The following BRIX1 variants were observed in gnomAD, a reference collection of about 807,000 sequenced individuals.
The protein encoded by BRIX1 is ribosome biogenesis protein BRX1 homolog.
Under a neutral mutation model 44.0 loss-of-function variants are expected in BRIX1, and 15 were observed. The observed-to-expected ratio is 0.34, with a 90% CI of 0.23 to 0.53. The LOEUF (loss-of-function observed/expected upper bound fraction) is 0.53. BRIX1 is among the 20% of genes least tolerant of loss of function. The pLI, the probability that BRIX1 is intolerant of heterozygous loss-of-function variation, is 0.95. For synonymous variants in BRIX1, 149 were observed against 135.4 expected (o/e 1.10, Z -0.70); for missense variants, 420 against 432.8 (o/e 0.97, Z 0.26).
Position 34,918,657 on chromosome 5 carries a change from A to C in BRIX1, c.271+182A>C, listed in dbSNP as rs574303427. 8.2e-6 allele frequency: 4 copies of C among 490,040 alleles called. No individual in the cohort carries two copies. In the South Asian group the frequency reaches 1.4e-4, roughly 18 times the overall value. 30.4% of individuals were successfully genotyped at this position (490,040 alleles called of 1,614,324 possible). A position where few individuals can be genotyped will look rare whatever the true frequency, so the allele number is the denominator to read the frequency against. On this transcript the variant is annotated intron_variant, in intron 2 of 9. Coordinates refer to ENST00000336767, the MANE Select transcript of BRIX1 (RefSeq NM_018321.4). ...TTTCGTAAGAAATTCTTTAGATTTC[A>C]TTAGGTAGATTCTTTACTTTTTAAA...
chr5:34,923,099 G>A (rs1764274905), intron 7 of BRIX1, 34 bp from the exon 8 acceptor site: 1 of 1,582,854 alleles, frequency 6.3e-7, no homozygotes, highest in Admixed American at 1.7e-5. Flanking sequence ...GATATATCTT[G>A]GAATAAGGAA....
In BRIX1 at chr5:34,918,431, A is replaced by G; in HGVS notation, c.227A>G (p.His76Arg). The G allele has an allele frequency of 6.2e-7, 1 of 1,610,968 alleles. No homozygotes were observed. The highest frequency in any genetic ancestry group is 1.1e-5 in the South Asian group (1 of 90,670). Residue 76 changes from histidine (H) to arginine (R), a missense_variant, in exon 2 of 10, where the codon CAT becomes CGT. Physicochemically the swap from His to Arg is conservative, Grantham distance 29. Coordinates refer to ENST00000336767, the MANE Select transcript of BRIX1 (RefSeq NM_018321.4). Reference protein sequence around the residue: ...SSRGINFRTRHLMQDLRMLMP... With the variant: ...SSRGINFRTRRLMQDLRMLMP... Reference sequence around the variant, plus strand: ...AGAGGAATAAATTTTAGAACAAGACATTTAATGCAGGACTTGAGAATGTTG... The same window carrying G: ...AGAGGAATAAATTTTAGAACAAGACGTTTAATGCAGGACTTGAGAATGTTG...
intron 1 of BRIX1, chr5:34,916,186 T>G (rs75883529): frequency 1.6e-5 from 3 of 191,288 alleles, no homozygotes; most frequent in Admixed American, 6.2e-5. Context: ...TGTTCAGTTG[T>G]TTTTTTTTTT....
At chr5:34,924,589 ACAAG>A (rs1317497602) in intron 8 of BRIX1, among the ~76,000 whole-genome samples, 1 of 152,216 alleles carries the variant, frequency 6.6e-6, no homozygotes, top group African/African-American at 2.4e-5. Flanking sequence ...ATGCATTGTG[ACAAG>A]CAAGATGTGA....
chr5:34,925,543 T>C lies in BRIX1; in HGVS notation c.*48T>C. 1 of 1,510,998 alleles carries C rather than the reference T, an allele frequency of 6.6e-7. No individual in the cohort carries two copies. Among genetic ancestry groups the C allele is most frequent in the South Asian group, 1.3e-5 (1 of 79,518 alleles). The allele number at this position is 1,510,998 out of a possible 1,614,324, so 93.6% of individuals were successfully genotyped here. A position where few individuals can be genotyped will look rare whatever the true frequency, so the allele number is the denominator to read the frequency against. On this transcript the variant is annotated 3_prime_UTR_variant, in exon 10 of 10. Coordinates refer to ENST00000336767, the MANE Select transcript of BRIX1 (RefSeq NM_018321.4). ...TTTCAGTTACTTTATATTTATTTTG[T>C]ATTCAATGTGTAAATACTTTTATTA...
rs1764061144 is a variant in BRIX1 at position 34,915,839 on chromosome 5, C to T, written c.101C>T (p.Ala34Val). Residue 34 changes from alanine to valine, a missense_variant, in exon 1 of 10, where the codon GCC (alanine) becomes GTC (valine). Coordinates refer to ENST00000336767, the MANE Select transcript of BRIX1 (RefSeq NM_018321.4). ...GCGGAGCCGCCAGCTAAGCGGCACG[C>T]CACAGCAGAGGAGGTGGAGGAAGAA... The part of the protein sequence containing the change: ...IDAEPPAKRH[A>V]TAEEVEEEER... 2 of 1,569,998 alleles carry T rather than the reference C, an allele frequency of 1.3e-6. No individual in the cohort carries two copies. Among genetic ancestry groups the T allele is most frequent in the Non-Finnish European group, 1.7e-6 (2 of 1,157,338 alleles).
chr5:34,917,554 C>A (rs1010975571), intron 1 of BRIX1, among the ~76,000 whole-genome samples: 1 of 151,738 alleles, frequency 6.6e-6, no homozygotes, highest in Non-Finnish European at 1.5e-5. Flanking sequence ...GCAGGAGAAT[C>A]GCTTGAACCC....
intron 2 of BRIX1, among the ~76,000 whole-genome samples, chr5:34,919,274 CAAAAAAAAAAAAAA>C (rs71299559): frequency 5.6e-5 from 2 of 35,966 alleles, no homozygotes; most frequent in East Asian, 1.3e-3. Flanking sequence ...GACCCTGTCT[CAAAAAAAAAAAAAA>C]AAAAAAAAAA....
At chr5:34,925,043 G>C (rs1764341959) in intron 9 of BRIX1, 68 bp downstream of exon 9, 1 of 1,546,282 alleles carries the variant, frequency 6.5e-7, no homozygotes, top group Admixed American at 2.1e-5. Flanking sequence ...ATTCTGTGAA[G>C]TAATTGCTGT....
At chr5:34,919,350 A>C (rs900482733) in intron 2 of BRIX1, among the ~76,000 whole-genome samples, 15 of 146,506 alleles carry the variant, frequency 1.0e-4, no homozygotes, top group Non-Finnish European at 1.8e-4. Flanking sequence ...TGTTGTGCTT[A>C]TGTTGAGAGG....
chr5:34,920,679 G>A (rs1764219214), intron 3 of BRIX1: 1 of 152,180 alleles, frequency 6.6e-6, no homozygotes, highest in South Asian at 2.1e-4. Context: ...TGTTCAAAGG[G>A]ATGGTGTTTA....
chr5:34,920,916 G>A (rs2111979338), intron 3 of BRIX1: 1 of 152,232 alleles, frequency 6.6e-6, no homozygotes, highest in East Asian at 1.9e-4. Flanking sequence ...CCAGGCTGGA[G>A]TGAAGTGGTA....
intron 1 of BRIX1, chr5:34,916,177 G>T: frequency 3.3e-6 from 1 of 303,698 alleles, no homozygotes; most frequent in East Asian, 5.8e-5. Flanking sequence ...CTTACTAGTT[G>T]TTCAGTTGTT....
At chr5:34,919,918 T>A (rs1307506831) in intron 3 of BRIX1, 35 bp downstream of exon 3, 1 of 829,772 alleles carries the variant, frequency 1.2e-6, no homozygotes, top group East Asian at 2.8e-5. Context: ...AAAATATTTT[T>A]AAAATGTTAA....
chr5:34,922,831 A>G (rs1301534926), intron 6 of BRIX1, 63 bp downstream of exon 6: 31 of 1,453,168 alleles, frequency 2.1e-5, no homozygotes, highest in Non-Finnish European at 3.0e-5. Context: ...TTTTTAGTAG[A>G]TATAGTTGTG....
Position 34,925,207 on chromosome 5 carries a change from C to G in BRIX1, c.793-19C>G. Reference sequence around the variant, plus strand: ...TATTTTTATTTCAAAAGCATCTAATCTTTTTTTTTTTTTTTTAGCATCGGC... The same window carrying G: ...TATTTTTATTTCAAAAGCATCTAATGTTTTTTTTTTTTTTTTAGCATCGGC... On this transcript the variant is annotated intron_variant, in intron 9 of 9. Transcript: ENST00000336767. 1 of 1,357,592 alleles carries G rather than the reference C, an allele frequency of 7.4e-7. No homozygotes were observed. Among genetic ancestry groups the G allele is most frequent in the South Asian group, 1.5e-5 (1 of 66,694 alleles). The allele number at this position is 1,357,592 out of a possible 1,614,324, so 84.1% of individuals were successfully genotyped here. A position where few individuals can be genotyped will look rare whatever the true frequency, so the allele number is the denominator to read the frequency against.
chr5:34,925,549 A>T lies in BRIX1; in HGVS notation c.*54A>T. On this transcript the variant is annotated 3_prime_UTR_variant, in exon 10 of 10. Transcript: ENST00000336767. ...TTACTTTATATTTATTTTGTATTCA[A>T]TGTGTAAATACTTTTATTATCTAAT... 6.8e-7 allele frequency: 1 copy of T among 1,473,494 alleles called. No individual in the cohort carries two copies. Among genetic ancestry groups the T allele is most frequent in the Non-Finnish European group, 9.2e-7 (1 of 1,085,772 alleles). 91.3% of individuals were successfully genotyped at this position (1,473,494 alleles called of 1,614,324 possible).
Position 34,922,247 on chromosome 5 carries a change from A to T in BRIX1, c.346A>T (p.Ile116Phe). 6.3e-7 allele frequency: 1 copy of T among 1,592,018 alleles called. No homozygotes were observed. The highest frequency in any genetic ancestry group is 1.7e-5 in the Admixed American group (1 of 58,572). The change falls in exon 4 of 10, where the codon ATC (isoleucine) becomes TTC (phenylalanine). Residue 116 changes from isoleucine (I) to phenylalanine (F), a missense_variant. Coordinates refer to ENST00000336767, the MANE Select transcript of BRIX1 (RefSeq NM_018321.4). The stretch of plus-strand genomic sequence containing the variant: ...TGAAATGAAGAACTGTAATAAATGC[A>T]TCTATTTTGAAGCTAAGAAAAAACA... The part of the protein sequence containing the change: ...VCEMKNCNKC[I>F]YFEAKKKQDL...
intron 3 of BRIX1, chr5:34,921,991 G>T: frequency 7.8e-6 from 2 of 255,928 alleles, no homozygotes; most frequent in African/African-American, 2.2e-5. Flanking sequence ...AAATATGATA[G>T]ATAATTTCAC....
Sources: gnomAD v4.1 joint callset for allele counts (sites outside exome capture counted in the v4.1 genomes callset) on GRCh38, gnomAD v4.1.1 for gene constraint, MANE v1.5 for transcripts, NCBI Gene and HGNC (gene_info 2026-07-23, HGNC 2026-07-21) for gene names.